SPEF2: variants seen among roughly 807,000 people sequenced by gnomAD.
SPEF2 encodes sperm flagella and cilia-associated protein 2.
A neutral mutation model predicts 224.6 loss-of-function variants in SPEF2; 187 were observed. The observed-to-expected ratio is 0.83, with a 90% CI of 0.74 to 0.94. The LOEUF (loss-of-function observed/expected upper bound fraction) is 0.94. Ranked by LOEUF, SPEF2 falls within the 40% of genes least tolerant of loss-of-function variation. The pLI is 0.00. For missense variants in SPEF2, 2,170 were observed against 2,135.6 expected (o/e 1.02, Z -0.32); for synonymous variants, 715 against 707.3 (o/e 1.01, Z -0.17).
intron 10 of SPEF2, among the ~76,000 whole-genome samples, chr5:35,687,057 AT>A (rs373442020): frequency 6.6e-6 from 1 of 152,244 alleles, no homozygotes; most frequent in African/African-American, 2.4e-5. Context: ...TGGAAAAACA[AT>A]TGTGGAGCAT....
intron 34 of SPEF2, among the ~76,000 whole-genome samples, chr5:35,804,081 T>C (rs1258887193): frequency 6.6e-6 from 1 of 152,200 alleles, no homozygotes; most frequent in African/African-American, 2.4e-5. Context: ...AAAAACATCT[T>C]GGCAAGGAGC....
At chr5:35,756,508 A>G (rs1750467766) in intron 24 of SPEF2, among the ~76,000 whole-genome samples, 1 of 152,220 alleles carries the variant, frequency 6.6e-6, no homozygotes. Context: ...TTAAAGAAAG[A>G]GCCTAATGAA....
At position 35,796,743 on chromosome 5, in the gene SPEF2, A is replaced by T. The variant is rs562887677; in HGVS notation, c.4830+948A>T. ...ATTTCTAGCCAGCCATTAGTTCCAA[A>T]TTGCAGTACAAAATTGAGCAAGATT... is the stretch of plus-strand genomic sequence containing the variant. On this transcript the variant is annotated intron_variant, in intron 33 of 36. Coordinates refer to ENST00000356031, the MANE Select transcript of SPEF2 (RefSeq NM_024867.4). Among the ~76,000 whole-genome samples, 4 of 152,336 alleles carry T rather than the reference A, an allele frequency of 2.6e-5. No individual in the cohort carries two copies. In the South Asian group the frequency reaches 8.3e-4, roughly 32 times the overall value.
chr5:35,653,743 G>A (rs944276375), intron 6 of SPEF2, among the ~76,000 whole-genome samples: 5 of 151,966 alleles, frequency 3.3e-5, no homozygotes, highest in Admixed American at 2.0e-4. Flanking sequence ...TCAGGAGTTC[G>A]AGACCAGCCT....
intron 26 of SPEF2, among the ~76,000 whole-genome samples, chr5:35,765,206 C>T (rs1264742505): frequency 1.1e-4 from 16 of 152,128 alleles, no homozygotes; most frequent in Non-Finnish European, 1.0e-4. Context: ...GATAAATGGA[C>T]TCATATCTTT....
intron 21 of SPEF2, among the ~76,000 whole-genome samples, 154 bp from the exon 22 acceptor site, chr5:35,739,765 G>A (rs148691439): frequency 1.4e-4 from 21 of 152,296 alleles, no homozygotes; most frequent in East Asian, 9.7e-4. Context: ...AGTGGGAGGC[G>A]TGTGAGAGAA....
At chr5:35,627,722 T>A (rs1291569519) in intron 1 of SPEF2, among the ~76,000 whole-genome samples, 1 of 152,208 alleles carries the variant, frequency 6.6e-6, no homozygotes, top group East Asian at 1.9e-4. Context: ...ATTAAATAGC[T>A]CTCTGATATA....
chr5:35,697,834 T>C (rs753673702), intron 15 of SPEF2, 41 bp downstream of exon 15: 6 of 1,407,256 alleles, frequency 4.3e-6, no homozygotes, highest in African/African-American at 1.4e-5. Flanking sequence ...ATTTAATATA[T>C]TCTTTATCAC....
At chr5:35,690,805 C>G (rs1315298539) in intron 10 of SPEF2, among the ~76,000 whole-genome samples, 4 of 152,092 alleles carry the variant, frequency 2.6e-5, no homozygotes, top group Non-Finnish European at 5.9e-5. Context: ...TATATGCTCA[C>G]TTTCATAAGC....
At chr5:35,658,645 A>G (rs1299133538) in intron 7 of SPEF2, among the ~76,000 whole-genome samples, 2 of 151,912 alleles carry the variant, frequency 1.3e-5, no homozygotes, top group Non-Finnish European at 2.9e-5. Context: ...ATATAGGTAA[A>G]CTCGTGTTAC....
At chr5:35,708,569 A>ACACTGCCACCATCACCATAACTAT (rs1554037863) in intron 18 of SPEF2, among the ~76,000 whole-genome samples, 93 of 91,670 alleles carry the variant, frequency 1.0e-3, no homozygotes, top group African/African-American at 3.6e-3. Context: ...CACCACTACC[A>ACACTGCCACCATCACCATAACTAT]CACCACCACC....
intron 30 of SPEF2, among the ~76,000 whole-genome samples, chr5:35,785,566 A>G (rs1754986000): frequency 6.6e-6 from 1 of 151,592 alleles, no homozygotes; most frequent in Admixed American, 6.6e-5. Flanking sequence ...TTTTTTTAAG[A>G]TGGGGTCTCA....
rs549565311 is a variant in SPEF2, at chr5:35,710,371, A to C, written c.2839+1250A>C. 2.2e-4 allele frequency: 120 copies of C among 541,232 alleles called. 1 individual carries two copies. The highest frequency in any genetic ancestry group is 5.0e-4 in the South Asian group (6 of 12,106). The allele number at this position is 541,232 out of a possible 1,614,324, so 33.5% of individuals were successfully genotyped here. A position where few individuals can be genotyped will look rare whatever the true frequency, so the allele number is the denominator to read the frequency against. On this transcript the variant is annotated intron_variant, in intron 19 of 36. Transcript: ENST00000356031. ...TCAGGAGTTCGAGACCCCGCTGGCC[A>C]ACAGGGCAAAACCCATCTCTACCAA...
Position 35,700,730 on chromosome 5 carries a change from G to C in SPEF2, c.2376G>C (p.Met792Ile). The C allele has an allele frequency of 6.2e-7, 1 of 1,613,880 alleles. No homozygotes were observed. Residue 792 changes from methionine to isoleucine, a missense_variant, in exon 16 of 37, where the codon ATG becomes ATC. Met to Ile is a conservative substitution (Grantham distance 10, BLOSUM62 1). Transcript: ENST00000356031. ...ILLDVSDTSS[M>I]SRMNDIIAEE... is the part of the protein sequence containing the mutation. ...TAGATGTTTCAGATACTTCCTCAAT[G>C]AGTCGCATGAATGATATTATAGGTA...
chr5:35,641,362 G>T, intron 2 of SPEF2, 69 bp from the exon 3 acceptor site: 1 of 1,475,082 alleles, frequency 6.8e-7, no homozygotes. Flanking sequence ...ATGATAATAT[G>T]TCTGATATTT....
intron 24 of SPEF2, among the ~76,000 whole-genome samples, chr5:35,754,043 T>C (rs1750084508): frequency 6.6e-6 from 1 of 152,068 alleles, no homozygotes; most frequent in Non-Finnish European, 1.5e-5. Context: ...AGAAATAGTG[T>C]TTACAACTGA....
chr5:35,684,070 TTATA>T (rs979890721), intron 10 of SPEF2: 33 of 152,188 alleles, frequency 2.2e-4, no homozygotes, highest in African/African-American at 7.7e-4. Flanking sequence ...ATATGTTTTA[TTATA>T]TAAATAATTT....
At chr5:35,618,298 T>C (rs1248777860) in intron 1 of SPEF2, among the ~76,000 whole-genome samples, 4 of 152,026 alleles carry the variant, frequency 2.6e-5, no homozygotes, top group Non-Finnish European at 5.9e-5. Flanking sequence ...ACTCTGCCGC[T>C]CTCGAGTTAC....
intron 23 of SPEF2, among the ~76,000 whole-genome samples, chr5:35,740,760 A>G (rs1391289614): frequency 6.6e-6 from 1 of 152,166 alleles, no homozygotes; most frequent in Non-Finnish European, 1.5e-5. Flanking sequence ...TGCCCCAGCA[A>G]GCACAATAAC....
Sources: allele counts gnomAD v4.1 joint callset (sites outside exome capture counted in the v4.1 genomes callset), GRCh38; gene constraint gnomAD v4.1.1; transcripts MANE v1.5; gene names NCBI Gene and HGNC (gene_info 2026-07-23, HGNC 2026-07-21).